Variants in ARHGAP29 observed in about 807,000 individuals in gnomAD.
The protein encoded by ARHGAP29 is Rho GTPase activating protein 29, also known as rho GTPase-activating protein 29.
Under a neutral mutation model 122.6 loss-of-function variants are expected in ARHGAP29, and 43 were observed. The ratio of observed to expected loss-of-function variants is 0.35; its 90% CI spans 0.27 to 0.45. ARHGAP29 has a LOEUF of 0.45. Ranked by LOEUF, ARHGAP29 falls within the 20% of genes least tolerant of loss-of-function variation. The pLI is 1.00. For missense variants in ARHGAP29, 1,303 were observed against 1,477.2 expected, an observed-to-expected ratio of 0.88 and a Z score of 1.93; for synonymous variants, 506 against 497.1, an observed-to-expected ratio of 1.02 and a Z score of -0.24.
At chr1:94,291,528 T>A in the ARHGAP29 span, among the ~76,000 whole-genome samples, 1 of 152,218 alleles carries the variant, frequency 6.6e-6, no homozygotes, top group African/African-American at 2.4e-5. Flanking sequence ...TGTTAATTGA[T>A]ATAGTTTCTT....
At chr1:94,235,406 C>T (rs1462927605) in intron 1 of ARHGAP29, among the ~76,000 whole-genome samples, 1 of 152,118 alleles carries the variant, frequency 6.6e-6, no homozygotes, top group African/African-American at 2.4e-5. Context: ...TAGGTAATGA[C>T]GCATGCAAAG....
the ARHGAP29 span, among the ~76,000 whole-genome samples, chr1:94,287,971 A>G: frequency 1.3e-5 from 2 of 152,204 alleles, no homozygotes; most frequent in African/African-American, 4.8e-5. Context: ...ATGCGTGTAC[A>G]TGTGCCTTTA....
At chr1:94,313,191 T>C in the ARHGAP29 span, among the ~76,000 whole-genome samples, 3 of 152,210 alleles carry the variant, frequency 2.0e-5, no homozygotes, top group Non-Finnish European at 2.9e-5. Flanking sequence ...TTCCTCCTGC[T>C]GCTCCTTGCC....
At position 94,177,710 on chromosome 1, in the gene ARHGAP29, G is replaced by A. The variant is rs1649184282; in HGVS notation, c.2807C>T (p.Thr936Ile). 1.9e-6 allele frequency: 3 copies of A among 1,611,306 alleles called. No homozygotes were observed. The highest frequency in any genetic ancestry group is 2.5e-6 in the Non-Finnish European group (3 of 1,179,100). ...AAAAATTTTGCTTTCACTCTCTGAA[G>A]TATGGATATCCTGTTGATGCAAGAT... ...LFFSSKEDIH[T>I]SESESKIFER... is the part of the protein sequence containing the mutation. The change falls in exon 22 of 23, where the codon ACT (threonine) becomes ATT (isoleucine). Residue 936 changes from threonine to isoleucine, a missense_variant. Thr to Ile is a moderately conservative substitution (Grantham distance 89). Coordinates refer to ENST00000260526, the MANE Select transcript of ARHGAP29 (RefSeq NM_004815.4).
upstream of ARHGAP29, chr1:94,237,611 C>A: frequency 2.0e-6 from 2 of 987,454 alleles, no homozygotes; most frequent in African/African-American, 1.7e-5. Context: ...CTGCAGCTAC[C>A]GCCACGGCCG....
intron 2 of ARHGAP29, among the ~76,000 whole-genome samples, chr1:94,229,251 T>A (rs1400854415): frequency 6.6e-6 from 1 of 151,820 alleles, no homozygotes; most frequent in African/African-American, 2.4e-5. Context: ...TAATACCATC[T>A]TAAATAGTTA....
At chr1:94,297,704 A>G in the ARHGAP29 span, among the ~76,000 whole-genome samples, 1 of 152,206 alleles carries the variant, frequency 6.6e-6, no homozygotes, top group Non-Finnish European at 1.5e-5. Context: ...AGCTGGGCAC[A>G]TGACATAGAG....
chr1:94,307,596 G>A, the ARHGAP29 span, among the ~76,000 whole-genome samples: 1 of 152,026 alleles, frequency 6.6e-6, no homozygotes, highest in Non-Finnish European at 1.5e-5. Context: ...ATTCCTGCTG[G>A]AATAGACAAT....
the ARHGAP29 span, among the ~76,000 whole-genome samples, chr1:94,309,530 A>G: frequency 6.6e-6 from 1 of 152,214 alleles, no homozygotes; most frequent in African/African-American, 2.4e-5. Context: ...TTATGCACAG[A>G]TGATTTTTTT....
intron 1 of ARHGAP29, among the ~76,000 whole-genome samples, chr1:94,253,311 C>T (rs1029262158): frequency 1.4e-4 from 21 of 152,234 alleles, no homozygotes; most frequent in African/African-American, 4.8e-4. Context: ...CCAGCTTTCC[C>T]CGGGCTTACA....
upstream of ARHGAP29, among the ~76,000 whole-genome samples, chr1:94,239,610 G>C (rs953331187): frequency 2.0e-5 from 3 of 151,964 alleles, no homozygotes; most frequent in African/African-American, 7.3e-5. Context: ...AATATGCAGA[G>C]ATAAGGGGAA....
upstream of ARHGAP29, among the ~76,000 whole-genome samples, chr1:94,241,382 G>A (rs573256364): frequency 6.2e-4 from 95 of 152,130 alleles, no homozygotes; most frequent in African/African-American, 2.2e-3. Context: ...TTGGGAGGCC[G>A]AGGCGGGCGG....
At chr1:94,271,162 T>C (rs1654977706) in intron 1 of ARHGAP29, among the ~76,000 whole-genome samples, 1 of 152,246 alleles carries the variant, frequency 6.6e-6, no homozygotes, top group South Asian at 2.1e-4. Flanking sequence ...ACTTGGTTCC[T>C]TGCTGTCTGT....
chr1:94,290,878 G>A, the ARHGAP29 span, among the ~76,000 whole-genome samples: 1 of 152,172 alleles, frequency 6.6e-6, no homozygotes, highest in East Asian at 1.9e-4. Context: ...GTGATGTGCT[G>A]TGAGAAGAAT....
chr1:94,299,382 AT>A, the ARHGAP29 span, among the ~76,000 whole-genome samples: 4 of 152,170 alleles, frequency 2.6e-5, no homozygotes, highest in Admixed American at 2.6e-4. Flanking sequence ...GCTTTTTGGA[AT>A]TTGTTCCCTA....
the ARHGAP29 span, among the ~76,000 whole-genome samples, chr1:94,291,585 G>A: frequency 6.6e-6 from 1 of 152,170 alleles, no homozygotes; most frequent in African/African-American, 2.4e-5. Flanking sequence ...TGCAGTGGCT[G>A]GTACCAGTTG....
the ARHGAP29 span, among the ~76,000 whole-genome samples, chr1:94,289,393 A>G: frequency 6.6e-6 from 1 of 152,214 alleles, no homozygotes; most frequent in Non-Finnish European, 1.5e-5. Flanking sequence ...TTTTGGGCTG[A>G]GAGGATGGGG....
At chr1:94,305,569 A>T in the ARHGAP29 span, among the ~76,000 whole-genome samples, 2 of 152,316 alleles carry the variant, frequency 1.3e-5, no homozygotes, top group Admixed American at 1.3e-4. Context: ...TTTTTGAAGG[A>T]TGAACAAGAC....
At chr1:94,259,429 A>C (rs1392819853) in intron 1 of ARHGAP29, among the ~76,000 whole-genome samples, 3 of 152,200 alleles carry the variant, frequency 2.0e-5, no homozygotes, top group Non-Finnish European at 4.4e-5. Context: ...GTCTTCCCAG[A>C]ACTTTAGGAT....
Sources: allele counts gnomAD v4.1 joint callset (sites outside exome capture counted in the v4.1 genomes callset), GRCh38; gene constraint gnomAD v4.1.1; transcripts MANE v1.5; gene names NCBI Gene and HGNC (gene_info 2026-07-23, HGNC 2026-07-21).